The following MAN1A1 variants were observed in gnomAD, a reference collection of about 807,000 sequenced individuals.
The protein encoded by MAN1A1 is mannosyl-oligosaccharide 1,2-alpha-mannosidase IA.
MAN1A1 carries 29 observed loss-of-function variants against 70.8 expected under a neutral mutation model. The observed-to-expected ratio is 0.41, with a 90% confidence interval of 0.31 to 0.56. The LOEUF is 0.56. Ranked by LOEUF, MAN1A1 falls within the 20% of genes least tolerant of loss-of-function variation. The pLI, the probability that MAN1A1 is intolerant of heterozygous loss-of-function variation, is 0.29. For synonymous variants in MAN1A1, 349 were observed against 330.1 expected, an observed-to-expected ratio of 1.06 and a Z score of -0.62; for missense variants, 747 against 841.3, an observed-to-expected ratio of 0.89 and a Z score of 1.39.
chr6:119,262,490 TG>T (rs1409375073), intron 5 of MAN1A1, among the ~76,000 whole-genome samples: 1 of 152,114 alleles, frequency 6.6e-6, no homozygotes, highest in African/African-American at 2.4e-5. Context: ...CAGAAGCTGG[TG>T]GGGTTGTGGA....
chr6:119,242,341 A>C (rs1209579877), intron 6 of MAN1A1, among the ~76,000 whole-genome samples: 1 of 152,150 alleles, frequency 6.6e-6, no homozygotes, highest in Non-Finnish European at 1.5e-5. Flanking sequence ...GTTGGATCCC[A>C]AATAATTTAA....
At chr6:119,257,919 G>A (rs530977609) in intron 5 of MAN1A1, among the ~76,000 whole-genome samples, 1 of 152,190 alleles carries the variant, frequency 6.6e-6, no homozygotes, top group African/African-American at 2.4e-5. Context: ...TTTAAAAAAT[G>A]GGCAAATCGC....
intron 2 of MAN1A1, among the ~76,000 whole-genome samples, chr6:119,343,881 T>C (rs997990756): frequency 1.3e-5 from 2 of 152,172 alleles, no homozygotes; most frequent in East Asian, 1.9e-4. Context: ...CAGGTTCCAG[T>C]GCAATTCTGA....
intron 9 of MAN1A1, among the ~76,000 whole-genome samples, 185 bp from the exon 10 acceptor site, chr6:119,190,068 T>C (rs564331506): frequency 6.6e-6 from 1 of 152,324 alleles, no homozygotes; most frequent in Admixed American, 6.5e-5. Flanking sequence ...TATGCCTTAT[T>C]TGTTTGATTA....
chr6:119,264,829 T>C (rs9489642), intron 5 of MAN1A1, among the ~76,000 whole-genome samples: 8,413 of 152,318 alleles, frequency 0.055, 331 homozygotes, highest in African/African-American at 0.1. Flanking sequence ...GCCATTTATA[T>C]GTAAAGTAGC....
At chr6:119,196,266 A>G (rs1773566753) in intron 8 of MAN1A1, among the ~76,000 whole-genome samples, 1 of 152,036 alleles carries the variant, frequency 6.6e-6, no homozygotes, top group African/African-American at 2.4e-5. Context: ...TGTTTTAATT[A>G]ATTTTGGTAA....
chr6:119,338,432 G>T (rs1319642337), intron 2 of MAN1A1, among the ~76,000 whole-genome samples: 1 of 151,930 alleles, frequency 6.6e-6, no homozygotes, highest in Non-Finnish European at 1.5e-5. Flanking sequence ...TTACAACACT[G>T]AAGGCCTCTC....
chr6:119,347,098 C>T (rs1019777268), intron 2 of MAN1A1, among the ~76,000 whole-genome samples: 1 of 152,088 alleles, frequency 6.6e-6, no homozygotes, highest in Admixed American at 6.5e-5. Context: ...TGCTGATGGA[C>T]TGTGGAAGGA....
At position 119,349,670 on chromosome 6, in the gene MAN1A1, G is replaced by C; in HGVS notation, c.-351C>G. ...CGCTGTCCCACGGTCCCGCAGCCCC[G>C]GCGCGGCTCAGGTGGGCGAGCGCGC... On this transcript the variant is annotated 5_prime_UTR_variant, in exon 1 of 13. Transcript: ENST00000368468. 2.0e-6 allele frequency: 2 copies of C among 985,890 alleles called. No homozygotes were observed. 61.1% of individuals were successfully genotyped at this position (985,890 alleles called of 1,614,324 possible).
At chr6:119,184,802 G>A (rs1562181048) in intron 11 of MAN1A1, among the ~76,000 whole-genome samples, 2 of 152,022 alleles carry the variant, frequency 1.3e-5, no homozygotes, top group Non-Finnish European at 2.9e-5. Context: ...TATAATCTAT[G>A]TGAATATATA....
chr6:119,188,024 T>C (rs1773340737), intron 11 of MAN1A1, among the ~76,000 whole-genome samples: 1 of 152,216 alleles, frequency 6.6e-6, no homozygotes, highest in Non-Finnish European at 1.5e-5. Context: ...TACTAGCATT[T>C]TAAAGCCCAA....
chr6:119,311,417 G>C (rs538302120), intron 2 of MAN1A1, among the ~76,000 whole-genome samples: 1 of 152,290 alleles, frequency 6.6e-6, no homozygotes, highest in East Asian at 1.9e-4. Flanking sequence ...GAAAGGAAGA[G>C]TAGAAAGGTC....
intron 1 of MAN1A1, 56 bp from the exon 2 acceptor site, chr6:119,349,343 C>A: frequency 1.8e-6 from 2 of 1,113,046 alleles, no homozygotes; most frequent in Non-Finnish European, 2.2e-6. Context: ...AAGTTTCCAG[C>A]GGGTCTCCGC....
chr6:119,221,102 TG>T (rs1458222021), intron 6 of MAN1A1, among the ~76,000 whole-genome samples: 5 of 150,792 alleles, frequency 3.3e-5, no homozygotes, highest in African/African-American at 9.7e-5. Context: ...ACAAGCCCAG[TG>T]CTTTAGCATT....
chr6:119,339,067 C>T (rs1773537634), intron 2 of MAN1A1, among the ~76,000 whole-genome samples: 1 of 152,096 alleles, frequency 6.6e-6, no homozygotes, highest in South Asian at 2.1e-4. Context: ...GGAAGAAATG[C>T]AAATGATCAA....
At chr6:119,320,181 C>T (rs1467577923) in intron 2 of MAN1A1, among the ~76,000 whole-genome samples, 1 of 152,096 alleles carries the variant, frequency 6.6e-6, no homozygotes, top group Non-Finnish European at 1.5e-5. Flanking sequence ...ACTATGTTGG[C>T]CAGGCTGGTC....
intron 5 of MAN1A1, among the ~76,000 whole-genome samples, chr6:119,276,941 T>A (rs147009026): frequency 5.5e-4 from 83 of 152,290 alleles, no homozygotes; most frequent in African/African-American, 2.0e-3. Context: ...GTGTTTAGAA[T>A]AAAGAGCCAC....
chr6:119,203,356 G>A (rs1422653732), intron 7 of MAN1A1, among the ~76,000 whole-genome samples: 1 of 152,026 alleles, frequency 6.6e-6, no homozygotes, highest in Non-Finnish European at 1.5e-5. Context: ...ACAGAGAGAG[G>A]AGCAAGTACA....
At chr6:119,343,528 T>C (rs1187260653) in intron 2 of MAN1A1, among the ~76,000 whole-genome samples, 1 of 152,154 alleles carries the variant, frequency 6.6e-6, no homozygotes, top group Non-Finnish European at 1.5e-5. Context: ...AGAGTTTGTG[T>C]AAAGGGCCTT....
Sources: gnomAD v4.1 joint callset for allele counts (sites outside exome capture counted in the v4.1 genomes callset) on GRCh38, gnomAD v4.1.1 for gene constraint, MANE v1.5 for transcripts, NCBI Gene and HGNC (gene_info 2026-07-23, HGNC 2026-07-21) for gene names.